Variants in ESRRG observed in about 807,000 individuals in gnomAD.
The protein encoded by ESRRG is estrogen-related receptor gamma.
ESRRG carries 13 observed loss-of-function variants against 44.0 expected under a neutral mutation model. That is an observed-to-expected ratio of 0.30 (90% CI 0.19 to 0.47). ESRRG has a LOEUF of 0.47. ESRRG is among the 20% of genes least tolerant of loss of function. ESRRG has a pLI of 1.00. For synonymous variants in ESRRG, 215 were observed against 214.6 expected (o/e 1.00, Z -0.02); for missense variants, 395 against 580.6 (o/e 0.68, Z 3.29).
chr1:216,724,522 C>T (rs1161387369), upstream of ESRRG, among the ~76,000 whole-genome samples: 2 of 151,918 alleles, frequency 1.3e-5, no homozygotes, highest in Non-Finnish European at 2.9e-5. Context: ...ACACAGTGTA[C>T]ACATTTGTTT....
At chr1:216,644,571 GGT>G (rs1414928127) in intron 3 of ESRRG, among the ~76,000 whole-genome samples, 1 of 151,516 alleles carries the variant, frequency 6.6e-6, no homozygotes, top group Non-Finnish European at 1.5e-5. Flanking sequence ...TGAGACTACA[GGT>G]GTGTGCCACC....
chr1:216,520,490 G>A (rs2045757601), intron 5 of ESRRG, among the ~76,000 whole-genome samples: 2 of 152,098 alleles, frequency 1.3e-5, no homozygotes, highest in Admixed American at 1.3e-4. Context: ...AGAGAAAGAG[G>A]AAGCAGTACA....
intron 2 of ESRRG, among the ~76,000 whole-genome samples, chr1:216,874,060 G>A (rs2096307424): frequency 6.6e-6 from 1 of 150,398 alleles, no homozygotes; most frequent in South Asian, 2.1e-4. Flanking sequence ...AAGGAAGGGA[G>A]GAAGGTAGGA....
At chr1:216,554,150 C>T (rs1190629419) in intron 5 of ESRRG, among the ~76,000 whole-genome samples, 2 of 151,892 alleles carry the variant, frequency 1.3e-5, no homozygotes, top group Non-Finnish European at 2.9e-5. Flanking sequence ...ACACTTGGTA[C>T]GGTGTTAAGA....
At chr1:216,854,352 T>TCAAAAAAAAAAAAAAAAAAAA (rs2095887884) in intron 2 of ESRRG, among the ~76,000 whole-genome samples, 1 of 12,582 alleles carries the variant, frequency 7.9e-5, no homozygotes, top group Non-Finnish European at 1.5e-4. Flanking sequence ...CAAGACACCA[T>TCAAAAAAAAAAAAAAAAAAAA]CAAAAAAAAA....
chr1:216,789,664 G>A (rs138963492), intron 2 of ESRRG, among the ~76,000 whole-genome samples: 312 of 152,218 alleles, frequency 2.0e-3, no homozygotes, highest in Middle Eastern at 0.014. Flanking sequence ...ATTTCACAAA[G>A]GAGAAAGCTA....
At chr1:216,776,442 C>A (rs2093618398) in intron 2 of ESRRG, among the ~76,000 whole-genome samples, 1 of 152,088 alleles carries the variant, frequency 6.6e-6, no homozygotes, top group Admixed American at 6.6e-5. Context: ...TGTTCTAGCA[C>A]TTACCACACT....
At chr1:217,065,522 GA>G (rs960616586) in intron 1 of ESRRG, among the ~76,000 whole-genome samples, 15 of 152,194 alleles carry the variant, frequency 9.9e-5, no homozygotes, top group African/African-American at 3.4e-4. Context: ...TCTAAAAGGA[GA>G]GCCTCATCTC....
chr1:216,729,573 G>A (rs1386366307), intron 2 of ESRRG, among the ~76,000 whole-genome samples: 1 of 152,074 alleles, frequency 6.6e-6, no homozygotes, highest in Non-Finnish European at 1.5e-5. Flanking sequence ...TGTAATGAAA[G>A]GGAAAACTAA....
intron 3 of ESRRG, among the ~76,000 whole-genome samples, chr1:216,610,523 A>T (rs987000082): frequency 5.3e-5 from 8 of 152,138 alleles, no homozygotes; most frequent in Non-Finnish European, 1.2e-4. Context: ...GGTGCACTGC[A>T]GTGTAGGAGA....
chr1:216,673,951 G>A (rs542958929), intron 2 of ESRRG, among the ~76,000 whole-genome samples: 50 of 152,276 alleles, frequency 3.3e-4, no homozygotes, highest in African/African-American at 1.1e-3. Context: ...GTAAATATTC[G>A]TTGAATAAAT....
In ESRRG at chr1:216,504,028, T is replaced by A. The variant is rs2148672418; in HGVS notation, c.*2911A>T. ...AAATCCACGTTTTAGTTTTATTTCC[T>A]ATTTGTGAGATACTTACTCTTTTGT... On this transcript the variant is annotated 3_prime_UTR_variant, in exon 7 of 7. Coordinates refer to ENST00000408911, the MANE Select transcript of ESRRG (RefSeq NM_001438.4). 6.5e-6 allele frequency: 1 copy of A among 152,692 alleles called. No individual in the cohort carries two copies. The highest frequency in any genetic ancestry group is 1.9e-4 in the East Asian group (1 of 5,190). 9.5% of individuals were successfully genotyped at this position (152,692 alleles called of 1,614,324 possible). A position where few individuals can be genotyped will look rare whatever the true frequency, so the allele number is the denominator to read the frequency against.
intron 1 of ESRRG, among the ~76,000 whole-genome samples, chr1:216,988,900 C>T (rs540001329): frequency 7.2e-5 from 11 of 152,100 alleles, no homozygotes; most frequent in Non-Finnish European, 1.3e-4. Flanking sequence ...AATGAAAGGG[C>T]CTCATGTTTT....
chr1:217,125,272 A>G (rs1461323211), intron 1 of ESRRG, among the ~76,000 whole-genome samples: 1 of 152,186 alleles, frequency 6.6e-6, no homozygotes, highest in Non-Finnish European at 1.5e-5. Context: ...GTACAGCACT[A>G]GACCTAGCAG....
At chr1:217,111,238 G>A (rs554296163) in intron 1 of ESRRG, among the ~76,000 whole-genome samples, 1 of 152,244 alleles carries the variant, frequency 6.6e-6, no homozygotes, top group South Asian at 2.1e-4. Context: ...GAGCCAGTAA[G>A]TCCCCAGGGC....
At chr1:216,648,453 A>T (rs1173722502) in intron 3 of ESRRG, among the ~76,000 whole-genome samples, 1 of 152,142 alleles carries the variant, frequency 6.6e-6, no homozygotes, top group African/African-American at 2.4e-5. Flanking sequence ...TTGCTTGATA[A>T]CAGCAACTGA....
rs1553275061 is a variant in ESRRG, at chr1:217,075,595, C to CCCG, written c.-106+13911_-106+13912insCGG. Among the ~76,000 whole-genome samples, 1,146 of 147,062 alleles carry CCCG rather than the reference C, an allele frequency of 7.8e-3. 40 individuals carry two copies. The highest frequency in any genetic ancestry group is 0.05 in the Admixed American group (746 of 15,002). ...TCGCTTCAAATTGCTCCTTTCCCCCCCCCAACATTAATTACTAGAGTCTAT... is the reference window on the plus strand; with the variant it reads ...TCGCTTCAAATTGCTCCTTTCCCCCCCCGCCCAACATTAATTACTAGAGTCTAT... On this transcript the variant is annotated intron_variant, in intron 1 of 7. Transcript: ENST00000359162.
At chr1:216,591,501 C>T (rs1221824523) in intron 3 of ESRRG, among the ~76,000 whole-genome samples, 8 of 152,178 alleles carry the variant, frequency 5.3e-5, no homozygotes, top group Non-Finnish European at 1.2e-4. Context: ...AATCAGAGAA[C>T]TGATTGTTGG....
chr1:216,534,134 G>C (rs1451356352), intron 5 of ESRRG, among the ~76,000 whole-genome samples: 1 of 152,146 alleles, frequency 6.6e-6, no homozygotes, highest in African/African-American at 2.4e-5. Context: ...ACAGAGGAGA[G>C]AGGATGAGAC....
Sources: gnomAD v4.1 joint callset for allele counts (sites outside exome capture counted in the v4.1 genomes callset) on GRCh38, gnomAD v4.1.1 for gene constraint, MANE v1.5 for transcripts, NCBI Gene and HGNC (gene_info 2026-07-23, HGNC 2026-07-21) for gene names.